Variants in ELP1 observed in about 807,000 individuals in gnomAD.
ELP1 encodes the protein elongator acetyltransferase complex subunit 1.
Under a neutral mutation model 183.2 loss-of-function variants are expected in ELP1, and 131 were observed. That is an observed-to-expected ratio of 0.72 (90% CI 0.62 to 0.83). ELP1 has a LOEUF of 0.83. Ranked by LOEUF, ELP1 falls within the 40% of genes least tolerant of loss-of-function variation. The pLI is 0.00. For missense variants in ELP1, 1,550 were observed against 1,594.9 expected, an observed-to-expected ratio of 0.97 and a Z score of 0.48; for synonymous variants, 555 against 569.0, an observed-to-expected ratio of 0.98 and a Z score of 0.35.
At chr9:108,886,713 T>C (rs1307020869) in intron 29 of ELP1, among the ~76,000 whole-genome samples, 1 of 152,092 alleles carries the variant, frequency 6.6e-6, no homozygotes, top group Non-Finnish European at 1.5e-5. Context: ...AGACAGTAAA[T>C]ATAGGCCTTA....
At position 108,899,891 on chromosome 9, in the gene ELP1, G is replaced by A. The variant is rs752272003; in HGVS notation, c.2135C>T (p.Pro712Leu). Residue 712 changes from proline (P) to leucine (L), a missense_variant, in exon 20 of 37, where the codon CCA becomes CTA. Transcript: ENST00000374647. Reference protein sequence around the residue: ...PQDTKLVLQMPRGNLEVVHHR... With the variant: ...PQDTKLVLQMLRGNLEVVHHR... The stretch of plus-strand genomic sequence containing the variant: ...ATGAACAACTTCTAAGTTTCCCCTT[G>A]GCATCTTAAATAAATTAAAGCAGTA... The A allele has an allele frequency of 3.7e-6, 6 of 1,613,298 alleles. No homozygotes were observed. Among genetic ancestry groups the A allele is most frequent in the Non-Finnish European group, 5.1e-6 (6 of 1,179,558 alleles).
chr9:108,901,737 T>A, intron 16 of ELP1, 56 bp from the exon 17 acceptor site: 1 of 1,500,490 alleles, frequency 6.7e-7, no homozygotes, highest in Admixed American at 1.7e-5. Flanking sequence ...CAGTTAAACC[T>A]ACCTTTTCTA....
rs753992200 is a variant in ELP1 at position 108,880,137 on chromosome 9, G to C, written c.3375C>G (p.Asp1125Glu). The C allele has an allele frequency of 1.2e-6, 2 of 1,613,756 alleles. No homozygotes were observed. The highest frequency in any genetic ancestry group is 1.7e-6 in the Non-Finnish European group (2 of 1,179,648). The part of the protein sequence containing the change: ...EAQKNYMAFL[D>E]SQTATFSRHK... ...GGCGACTGAATGTGGCTGTCTGAGA[G>C]TCCAGAAATGCCATATAATTTTTCT... Residue 1125 changes from aspartate to glutamate, a missense_variant, in exon 32 of 37, where the codon GAC becomes GAG. By Grantham distance (45) the Asp-to-Glu change is conservative. Transcript: ENST00000374647.
In ELP1 at chr9:108,880,088, G is replaced by C; in HGVS notation, c.3424C>G (p.Arg1142Gly). 1 of 1,614,056 alleles carries C rather than the reference G, an allele frequency of 6.2e-7. No homozygotes were observed. The highest frequency in any genetic ancestry group is 8.5e-7 in the Non-Finnish European group (1 of 1,179,926). The change falls in exon 32 of 37, where the codon CGA becomes GGA. Residue 1142 changes from arginine (R) to glycine (G), a missense_variant. By Grantham distance (125) the Arg-to-Gly change is moderately radical. Transcript: ENST00000374647. ...TGCTGGGCTTGCTCCTTGAGCTCTC[G>C]AACTACCAATAAACGTTTCTTGTGG... ...SRHKKRLLVVRELKEQAQQAG... is the reference protein window; with the variant it reads ...SRHKKRLLVVGELKEQAQQAG...
intron 18 of ELP1, 101 bp downstream of exon 18, chr9:108,901,324 C>T: frequency 1.2e-6 from 1 of 844,368 alleles, no homozygotes; most frequent in Non-Finnish European, 2.0e-6. Flanking sequence ...CCTAGGACTC[C>T]TTGATAAAAA....
chr9:108,877,804 T>C (rs2275497), intron 35 of ELP1, among the ~76,000 whole-genome samples, 191 bp downstream of exon 35: 33 of 152,216 alleles, frequency 2.2e-4, no homozygotes, highest in African/African-American at 8.0e-4. Flanking sequence ...ATTTAACCTA[T>C]GCCAAGGTAT....
At chr9:108,921,571 C>CT (rs943090225) in intron 6 of ELP1, among the ~76,000 whole-genome samples, 1 of 143,278 alleles carries the variant, frequency 7.0e-6, no homozygotes, top group African/African-American at 2.6e-5. Flanking sequence ...TCAAGGATAC[C>CT]TTTTAAGTCC....
At chr9:108,927,108 C>G (rs761076379) in intron 4 of ELP1, among the ~76,000 whole-genome samples, 1 of 151,920 alleles carries the variant, frequency 6.6e-6, no homozygotes, top group Non-Finnish European at 1.5e-5. Context: ...TTTCTTACTC[C>G]CAAAGACTTA....
chr9:108,902,619 A>G (rs1046700827), intron 16 of ELP1, among the ~76,000 whole-genome samples: 1 of 152,174 alleles, frequency 6.6e-6, no homozygotes, highest in Non-Finnish European at 1.5e-5. Context: ...AATCACATAT[A>G]TTATCTCATT....
intron 36 of ELP1, among the ~76,000 whole-genome samples, chr9:108,870,031 A>C (rs550622653): frequency 6.8e-4 from 103 of 151,898 alleles, no homozygotes; most frequent in African/African-American, 2.4e-3. Context: ...GTTGGAGTGC[A>C]GTGGCACGAT....
chr9:108,911,024 G>C lies in ELP1; in HGVS notation c.1346C>G (p.Ser449Cys), dbSNP rs755630402. ...TTATAACATACCACATTTATAAACA[G>C]AAATCTGGTTACTGGCATCTAGAAC... ...LAVLDASNQI[S>C]VYKCGDCPSA... Residue 449 changes from serine to cysteine, a missense_variant, in exon 12 of 37, where the codon TCT becomes TGT. Ser to Cys is a moderately radical substitution (Grantham distance 112). Transcript: ENST00000374647. 3 of 1,613,978 alleles carry C rather than the reference G, an allele frequency of 1.9e-6. No homozygotes were observed. The highest frequency in any genetic ancestry group is 2.5e-6 in the Non-Finnish European group (3 of 1,179,892).
intron 29 of ELP1, among the ~76,000 whole-genome samples, chr9:108,885,114 G>GA (rs1359383789): frequency 6.8e-6 from 1 of 147,900 alleles, no homozygotes; most frequent in Non-Finnish European, 1.5e-5. Flanking sequence ...AAAAAAATAA[G>GA]AAAAAAATAA....
intron 2 of ELP1, among the ~76,000 whole-genome samples, chr9:108,930,473 G>A (rs1238983921): frequency 2.6e-5 from 4 of 152,118 alleles, no homozygotes; most frequent in African/African-American, 9.7e-5. Context: ...GGCGGATCAC[G>A]AGGTCAGGAG....
At chr9:108,919,048 T>G (rs1239632205) in intron 7 of ELP1, 147 bp from the exon 8 acceptor site, 1 of 791,770 alleles carries the variant, frequency 1.3e-6, no homozygotes, top group East Asian at 2.7e-5. Flanking sequence ...TACAAATTTG[T>G]GTCCACCAGG....
At chr9:108,876,723 T>G (rs1564069594) in intron 35 of ELP1, among the ~76,000 whole-genome samples, 1 of 141,804 alleles carries the variant, frequency 7.1e-6, no homozygotes, top group Admixed American at 7.8e-5. Context: ...TCTTCCGTGA[T>G]TGGCTGGCTT....
Position 108,918,842 on chromosome 9 carries a change from C to G in ELP1, c.709G>C (p.Val237Leu). The G allele has an allele frequency of 1.2e-6, 2 of 1,614,158 alleles. No individual in the cohort carries two copies. Among genetic ancestry groups the G allele is most frequent in the South Asian group, 1.1e-5 (1 of 91,074 alleles). The stretch of plus-strand genomic sequence containing the variant: ...GCCAGGGCTGGTCCCAGTCCTGCCA[C>G]AGGCTCACTGGTTGACTGCAAAGCA... ...EFALQSTSEPVAGLGPALAWK... is the reference protein window; with the variant it reads ...EFALQSTSEPLAGLGPALAWK... The change falls in exon 8 of 37, where the codon GTG (valine) becomes CTG (leucine). Residue 237 changes from valine to leucine, a missense_variant. Coordinates refer to ENST00000374647, the MANE Select transcript of ELP1 (RefSeq NM_003640.5).
intron 16 of ELP1, among the ~76,000 whole-genome samples, chr9:108,902,302 C>A (rs1828836032): frequency 6.6e-6 from 1 of 152,144 alleles, no homozygotes; most frequent in African/African-American, 2.4e-5. Context: ...CTCATAGCCA[C>A]CATCCTCAAA....
At chr9:108,900,802 A>G (rs1828753328) in intron 18 of ELP1, among the ~76,000 whole-genome samples, 2 of 144,742 alleles carry the variant, frequency 1.4e-5, no homozygotes, top group Non-Finnish European at 1.5e-5. Context: ...ACACACACAT[A>G]CACGCCACAC....
Position 108,917,571 on chromosome 9 carries a change from A to T in ELP1, c.840T>A (p.Leu280=), listed in dbSNP as rs2132027845. Residue 280 remains leucine, a synonymous_variant, in exon 9 of 37, where the codon CTT becomes CTA. Transcript: ENST00000374647. ...KNGLLHGHFT[L]PFLKDEVKVN... ...CCTTAACCTCATCTTTAAGGAAGGG[A>T]AGTGTAAAGTGTCCATGAAGGAGTC... The T allele has an allele frequency of 6.2e-7, 1 of 1,614,048 alleles. No individual in the cohort carries two copies. The highest frequency in any genetic ancestry group is 1.1e-5 in the South Asian group (1 of 91,082).
Sources: allele counts gnomAD v4.1 joint callset (sites outside exome capture counted in the v4.1 genomes callset), GRCh38; gene constraint gnomAD v4.1.1; transcripts MANE v1.5; gene names NCBI Gene and HGNC (gene_info 2026-07-23, HGNC 2026-07-21).